The following TMEM132B variants were observed in gnomAD, a reference collection of about 807,000 sequenced individuals.
TMEM132B encodes the protein transmembrane protein 132B.
TMEM132B carries 18 observed loss-of-function variants against 90.8 expected under a neutral mutation model. That is an observed-to-expected ratio of 0.20 (90% CI 0.14 to 0.29). TMEM132B has a LOEUF of 0.29. TMEM132B is among the 10% of genes least tolerant of loss of function. TMEM132B has a pLI of 1.00. For missense variants in TMEM132B, 1,096 were observed against 1,326.8 expected, an observed-to-expected ratio of 0.83 and a Z score of 2.70; for synonymous variants, 504 against 523.3, an observed-to-expected ratio of 0.96 and a Z score of 0.50.
intron 1 of TMEM132B, among the ~76,000 whole-genome samples, chr12:125,197,999 G>A (rs993820929): frequency 2.0e-5 from 3 of 152,222 alleles, no homozygotes; most frequent in Non-Finnish European, 4.4e-5. Context: ...TCACAGCACA[G>A]AAGACCCCTT....
At chr12:125,457,789 G>A (rs1230077841) in intron 3 of TMEM132B, among the ~76,000 whole-genome samples, 1 of 152,170 alleles carries the variant, frequency 6.6e-6, no homozygotes, top group Non-Finnish European at 1.5e-5. Flanking sequence ...GCACATTCAG[G>A]TGAGCATGAT....
chr12:125,264,819 CA>C (rs1874647904), intron 1 of TMEM132B, among the ~76,000 whole-genome samples: 1 of 152,246 alleles, frequency 6.6e-6, no homozygotes, highest in Admixed American at 6.5e-5. Flanking sequence ...TGAATGCAAA[CA>C]CCCAAACGCA....
intron 4 of TMEM132B, among the ~76,000 whole-genome samples, chr12:125,549,588 A>G (rs556573505): frequency 6.6e-6 from 1 of 152,352 alleles, no homozygotes; most frequent in African/African-American, 2.4e-5. Flanking sequence ...TAAAGAACTC[A>G]TGGGAAACAC....
In TMEM132B at chr12:125,260,922, T is replaced by TTGTGTGTGTGTGTGTGTG. The variant is rs60739492; in HGVS notation, c.67+74067_67+74084dup. ...CAGAGCGAGACCCTGTCTCTACAGA[T>TTGTGTGTGTGTGTGTGTG]TGTGTGTGTGTGTGTGTGTGTGTGT... On this transcript the variant is annotated intron_variant, in intron 1 of 8. Coordinates refer to ENST00000682704, the MANE Select transcript of TMEM132B (RefSeq NM_001366854.1). Among the ~76,000 whole-genome samples, 919 of 148,232 alleles carry TTGTGTGTGTGTGTGTGTG rather than the reference T, an allele frequency of 6.2e-3. 12 individuals carry two copies. The highest frequency in any genetic ancestry group is 0.021 in the African/African-American group (857 of 40,158).
chr12:125,480,276 G>A (rs1222444093), intron 3 of TMEM132B, among the ~76,000 whole-genome samples: 1 of 152,064 alleles, frequency 6.6e-6, no homozygotes, highest in Non-Finnish European at 1.5e-5. Flanking sequence ...AACTGAAGGA[G>A]ATAGAGACAC....
chr12:125,248,278 A>T (rs1277523289), intron 1 of TMEM132B, among the ~76,000 whole-genome samples: 1 of 152,248 alleles, frequency 6.6e-6, no homozygotes, highest in Admixed American at 6.5e-5. Context: ...AGAGAACCTC[A>T]GAAACACCGG....
At chr12:125,446,165 T>C (rs924129978) in intron 3 of TMEM132B, among the ~76,000 whole-genome samples, 1 of 152,002 alleles carries the variant, frequency 6.6e-6, no homozygotes, top group Non-Finnish European at 1.5e-5. Flanking sequence ...TTGTTTTAAA[T>C]TTTTTTTTCT....
intron 2 of TMEM132B, among the ~76,000 whole-genome samples, chr12:125,380,041 C>T (rs539002801): frequency 1.3e-4 from 20 of 152,218 alleles, no homozygotes; most frequent in African/African-American, 4.1e-4. Flanking sequence ...AGGATGGATG[C>T]GTTCATTTCC....
intron 3 of TMEM132B, among the ~76,000 whole-genome samples, chr12:125,462,909 C>T (rs1326199914): frequency 1.3e-5 from 2 of 152,162 alleles, no homozygotes; most frequent in East Asian, 3.9e-4. Flanking sequence ...GACCCAGACC[C>T]AAGGGCCCCT....
At chr12:125,394,362 G>T (rs962110490) in intron 2 of TMEM132B, among the ~76,000 whole-genome samples, 2 of 152,212 alleles carry the variant, frequency 1.3e-5, no homozygotes, top group Admixed American at 6.5e-5. Context: ...AAGGTGGGCA[G>T]CGACAGCTTG....
At chr12:125,474,269 T>G (rs1213774474) in intron 3 of TMEM132B, among the ~76,000 whole-genome samples, 2 of 53,992 alleles carry the variant, frequency 3.7e-5, no homozygotes, top group Admixed American at 2.2e-4. Context: ...TCCCCTCCCC[T>G]CCCTCCCCTC....
At chr12:125,518,934 C>T (rs937367205) in intron 3 of TMEM132B, among the ~76,000 whole-genome samples, 6 of 152,298 alleles carry the variant, frequency 3.9e-5, no homozygotes, top group East Asian at 3.9e-4. Context: ...TTCCACACAC[C>T]CATGAGGTCC....
chr12:125,420,990 TA>T (rs1346867633), intron 3 of TMEM132B, among the ~76,000 whole-genome samples: 1 of 152,226 alleles, frequency 6.6e-6, no homozygotes, highest in African/African-American at 2.4e-5. Context: ...GAGTCACCTT[TA>T]TTCCAGTTCC....
intron 1 of TMEM132B, among the ~76,000 whole-genome samples, chr12:125,224,214 A>T (rs1483984765): frequency 6.6e-6 from 1 of 152,152 alleles, no homozygotes; most frequent in African/African-American, 2.4e-5. Context: ...GTTCATGGAC[A>T]TTTGGGTTGT....
At chr12:125,473,009 C>T (rs971299797) in intron 3 of TMEM132B, among the ~76,000 whole-genome samples, 8 of 152,162 alleles carry the variant, frequency 5.3e-5, no homozygotes, top group African/African-American at 1.7e-4. Flanking sequence ...TGAATAATAC[C>T]CGTCATCTGT....
intron 3 of TMEM132B, among the ~76,000 whole-genome samples, chr12:125,467,859 G>A (rs1881610284): frequency 6.6e-6 from 1 of 152,144 alleles, no homozygotes; most frequent in Non-Finnish European, 1.5e-5. Context: ...TATAAGCTGT[G>A]TGAACTTTTG....
At chr12:125,476,721 G>T (rs111532784) in intron 3 of TMEM132B, among the ~76,000 whole-genome samples, 1,865 of 152,284 alleles carry the variant, frequency 0.012, 16 homozygotes, top group Middle Eastern at 0.044. Context: ...GTAATTCTAT[G>T]TTTAACTTTT....
chr12:125,443,126 T>A (rs1880918596), intron 3 of TMEM132B, among the ~76,000 whole-genome samples: 1 of 152,226 alleles, frequency 6.6e-6, no homozygotes, highest in Non-Finnish European at 1.5e-5. Context: ...CGGGGAGCTG[T>A]GTCTGCCTTG....
intron 1 of TMEM132B, among the ~76,000 whole-genome samples, chr12:125,335,915 A>AG (rs998188639): frequency 6.6e-6 from 1 of 152,120 alleles, no homozygotes; most frequent in African/African-American, 2.4e-5. Context: ...TGAATCTGGG[A>AG]GGGGGAGGTG....
Sources: allele counts gnomAD v4.1 joint callset (sites outside exome capture counted in the v4.1 genomes callset), GRCh38; gene constraint gnomAD v4.1.1; transcripts MANE v1.5; gene names NCBI Gene and HGNC (gene_info 2026-07-23, HGNC 2026-07-21).